Variants in TG observed in about 807,000 individuals in gnomAD.
TG encodes the protein thyroid hormones.
TG carries 270 observed loss-of-function variants against 324.7 expected under a neutral mutation model. The observed-to-expected ratio is 0.83, with a 90% confidence interval of 0.75 to 0.92. The LOEUF is 0.92. Ranked by LOEUF, TG falls within the 40% of genes least tolerant of loss-of-function variation. The probability of loss-of-function intolerance (pLI) is 0.00; values close to 1 mark genes in which losing one functional copy is unlikely to be tolerated. For synonymous variants in TG, 1,401 were observed against 1,327.0 expected, an observed-to-expected ratio of 1.06 and a Z score of -1.21; for missense variants, 3,591 against 3,456.4, an observed-to-expected ratio of 1.04 and a Z score of -0.98.
At chr8:132,933,112 G>A (rs1299513907) in intron 23 of TG, among the ~76,000 whole-genome samples, 3 of 144,972 alleles carry the variant, frequency 2.1e-5, no homozygotes, top group African/African-American at 7.7e-5. Flanking sequence ...ACTTAACACT[G>A]CATGAGGTTC....
intron 34 of TG, among the ~76,000 whole-genome samples, chr8:132,981,447 A>G (rs545427257): frequency 4.7e-4 from 72 of 152,334 alleles, no homozygotes; most frequent in Non-Finnish European, 2.4e-4. Context: ...TTCTCTGAAG[A>G]TTGCACTCTC....
chr8:133,019,811 T>A, intron 39 of TG, 116 bp downstream of exon 39: 1 of 854,408 alleles, frequency 1.2e-6, no homozygotes, highest in South Asian at 1.4e-5. Context: ...TGAGCTGAGG[T>A]TAGGTGATTT....
chr8:133,123,627 A>G (rs1038825993), intron 45 of TG, among the ~76,000 whole-genome samples: 1 of 152,182 alleles, frequency 6.6e-6, no homozygotes, highest in Non-Finnish European at 1.5e-5. Context: ...CTGGCCTTTA[A>G]AGGTCCAGGT....
chr8:132,940,733 A>G (rs1824331515), intron 25 of TG, among the ~76,000 whole-genome samples: 2 of 152,150 alleles, frequency 1.3e-5, no homozygotes, highest in African/African-American at 4.8e-5. Context: ...AAGAGGAAGA[A>G]TGTGGGATCA....
At chr8:133,006,354 A>G (rs1230785234) in intron 35 of TG, among the ~76,000 whole-genome samples, 2 of 152,284 alleles carry the variant, frequency 1.3e-5, no homozygotes, top group Admixed American at 6.5e-5. Context: ...TTAATAGACT[A>G]CAGAGGCCCC....
intron 47 of TG, among the ~76,000 whole-genome samples, chr8:133,134,382 C>G (rs533870394): frequency 1.1e-4 from 17 of 152,040 alleles, no homozygotes; most frequent in African/African-American, 4.1e-4. Context: ...GGGAGTAGTC[C>G]GTTAAACAGG....
intron 41 of TG, among the ~76,000 whole-genome samples, chr8:133,071,117 C>T (rs183108262): frequency 1.9e-4 from 29 of 152,260 alleles, no homozygotes; most frequent in Middle Eastern, 3.4e-3. Flanking sequence ...AGATTGGTGC[C>T]GTCCCTTGAT....
intron 41 of TG, chr8:133,037,057 G>C (rs919314926): frequency 1.3e-5 from 2 of 152,210 alleles, no homozygotes; most frequent in Non-Finnish European, 2.9e-5. Flanking sequence ...ACAGAAAACT[G>C]TGTAACTGCA....
At chr8:133,045,224 T>C in intron 41 of TG, 1 of 1,136,092 alleles carries the variant, frequency 8.8e-7, no homozygotes, top group Non-Finnish European at 1.3e-6. Context: ...ACCCTTGGGA[T>C]ACAACAGTGA....
At chr8:133,047,745 A>T (rs1370919004) in intron 41 of TG, 1 of 816,764 alleles carries the variant, frequency 1.2e-6, no homozygotes, top group Non-Finnish European at 2.2e-6. Flanking sequence ...AGGAGGAAGG[A>T]AAATGAAGCC....
At chr8:132,967,081 A>G (rs1025247089) in intron 30 of TG, among the ~76,000 whole-genome samples, 3 of 141,320 alleles carry the variant, frequency 2.1e-5, no homozygotes, top group African/African-American at 5.5e-5. Flanking sequence ...TCATCCGTCC[A>G]TCTTTGCATC....
At chr8:132,980,571 C>A (rs536389034) in intron 34 of TG, among the ~76,000 whole-genome samples, 1 of 152,262 alleles carries the variant, frequency 6.6e-6, no homozygotes, top group South Asian at 2.1e-4. Context: ...GCCATTCTAG[C>A]AAATTATTGA....
intron 34 of TG, among the ~76,000 whole-genome samples, chr8:132,981,361 G>A (rs1830822824): frequency 6.6e-6 from 1 of 152,220 alleles, no homozygotes; most frequent in African/African-American, 2.4e-5. Flanking sequence ...GAATTTCAAA[G>A]TAAATTTCTA....
At chr8:132,895,314 C>T (rs1816936256) in intron 11 of TG, among the ~76,000 whole-genome samples, 1 of 152,234 alleles carries the variant, frequency 6.6e-6, no homozygotes, top group Admixed American at 6.5e-5. Flanking sequence ...AGAATCCCTC[C>T]AGCAGGAGGG....
intron 23 of TG, among the ~76,000 whole-genome samples, chr8:132,929,419 A>G (rs1822362283): frequency 6.6e-6 from 1 of 152,212 alleles, no homozygotes; most frequent in Admixed American, 6.5e-5. Flanking sequence ...CATGTTAAGG[A>G]GTAGAAATGA....
At chr8:132,988,161 A>C (rs1831830492) in intron 35 of TG, among the ~76,000 whole-genome samples, 1 of 152,090 alleles carries the variant, frequency 6.6e-6, no homozygotes, top group Admixed American at 6.6e-5. Context: ...GTCCATCTGC[A>C]CAGTGGAACT....
intron 23 of TG, among the ~76,000 whole-genome samples, chr8:132,932,267 C>T (rs980944310): frequency 1.3e-5 from 2 of 152,182 alleles, no homozygotes; most frequent in African/African-American, 4.8e-5. Context: ...AGAAGACCAC[C>T]TCTGCACCCA....
intron 40 of TG, among the ~76,000 whole-genome samples, chr8:133,023,789 C>T (rs543709070): frequency 2.6e-5 from 4 of 152,200 alleles, no homozygotes; most frequent in East Asian, 1.9e-4. Flanking sequence ...CCTCAGTGGG[C>T]GGGGGATTAT....
chr8:133,074,688 G>C (rs116022700), intron 41 of TG, among the ~76,000 whole-genome samples: 1,639 of 152,300 alleles, frequency 0.011, 23 homozygotes, highest in African/African-American at 0.036. Context: ...AGCCACTGCA[G>C]TGTGCTGGGC....
Sources: allele counts gnomAD v4.1 joint callset (sites outside exome capture counted in the v4.1 genomes callset), GRCh38; gene constraint gnomAD v4.1.1; transcripts MANE v1.5; gene names NCBI Gene and HGNC (gene_info 2026-07-23, HGNC 2026-07-21).